KIAA1958: variants seen among roughly 807,000 people sequenced by gnomAD.
The protein encoded by KIAA1958 is uncharacterized protein KIAA1958.
KIAA1958 carries 14 observed loss-of-function variants against 47.2 expected under a neutral mutation model. The ratio of observed to expected loss-of-function variants is 0.30; its 90% CI spans 0.20 to 0.46. KIAA1958 has a LOEUF of 0.46. KIAA1958 is among the 20% of genes least tolerant of loss of function. The pLI is 1.00. For synonymous variants in KIAA1958, 354 were observed against 353.3 expected, an observed-to-expected ratio of 1.00 and a Z score of -0.02; for missense variants, 803 against 909.2, an observed-to-expected ratio of 0.88 and a Z score of 1.50.
intron 1 of KIAA1958, among the ~76,000 whole-genome samples, chr9:112,560,796 G>A (rs1445693736): frequency 6.6e-6 from 1 of 152,100 alleles, no homozygotes; most frequent in Non-Finnish European, 1.5e-5. Flanking sequence ...AATATTGCAA[G>A]GTAGTTGCTA....
intron 1 of KIAA1958, among the ~76,000 whole-genome samples, chr9:112,523,212 A>G (rs769490441): frequency 7.2e-5 from 11 of 152,120 alleles, no homozygotes; most frequent in Non-Finnish European, 7.4e-5. Context: ...TTTTTCAGTT[A>G]CCTGGAAATT....
At chr9:112,510,719 C>G (rs572371598) in intron 1 of KIAA1958, among the ~76,000 whole-genome samples, 1 of 152,200 alleles carries the variant, frequency 6.6e-6, no homozygotes, top group African/African-American at 2.4e-5. Flanking sequence ...AATGTACTGT[C>G]AGGTGATAAT....
At chr9:112,551,627 T>A (rs2132838855) in intron 1 of KIAA1958, among the ~76,000 whole-genome samples, 1 of 152,340 alleles carries the variant, frequency 6.6e-6, no homozygotes, top group East Asian at 1.9e-4. Flanking sequence ...ATAGTTTTTC[T>A]GACAAAATTA....
chr9:112,518,749 C>T (rs1834484086), intron 1 of KIAA1958, among the ~76,000 whole-genome samples: 1 of 151,546 alleles, frequency 6.6e-6, no homozygotes, highest in Non-Finnish European at 1.5e-5. Context: ...CCAATAAAGG[C>T]ATTTTTTAAA....
At chr9:112,517,661 C>T (rs3983401) in intron 1 of KIAA1958, among the ~76,000 whole-genome samples, 145,499 of 152,280 alleles carry the variant, frequency 0.96, 69,574 homozygotes, top group African/African-American at 0.98. Context: ...ATACAAACCA[C>T]TGGGAGAAAA....
chr9:112,642,560 G>A (rs114177311), intron 2 of KIAA1958, among the ~76,000 whole-genome samples: 1,809 of 152,250 alleles, frequency 0.012, 30 homozygotes, highest in African/African-American at 0.041. Flanking sequence ...AAGGGCATCC[G>A]CAGCCTAAAC....
rs374741842 is a variant in KIAA1958 at position 112,563,085 on chromosome 9, C to CTATATA, written c.-24-10963_-24-10958dup. Among the ~76,000 whole-genome samples the CTATATA allele has an allele frequency of 6.6e-3, 869 of 131,524 alleles. 6 individuals carry two copies. Among genetic ancestry groups the CTATATA allele is most frequent in the African/African-American group, 0.021 (718 of 34,252 alleles). The allele number at this position is 131,524 out of a possible 152,430, so 86.3% of individuals were successfully genotyped here. On this transcript the variant is annotated intron_variant, in intron 1 of 3. Transcript: ENST00000337530. ...TCTCTGTCTCTCTCTCTCTCTCTCT[C>CTATATA]TATATATATATATAAATTTTTTTTA...
chr9:112,619,036 TATATA>T (rs1836454169), intron 2 of KIAA1958: 2 of 1,002,002 alleles, frequency 2.0e-6, no homozygotes, highest in African/African-American at 1.7e-5. Context: ...AAAATATAAA[TATATA>T]ATATATTTTT....
At position 112,587,704 on chromosome 9, in the gene KIAA1958, T is replaced by C. The variant is rs578116783; in HGVS notation, c.1171+12453T>C. Among the ~76,000 whole-genome samples the C allele has an allele frequency of 1.4e-4, 21 of 152,334 alleles. No individual in the cohort carries two copies. In the South Asian group the frequency reaches 4.1e-3, roughly 30 times the overall value. On this transcript the variant is annotated intron_variant, in intron 2 of 3. Coordinates refer to ENST00000337530, the MANE Select transcript of KIAA1958 (RefSeq NM_133465.4). Reference sequence around the variant, plus strand: ...GCATTTTTATTGCCTTTTTCAATTTTCTTTATTTTTGTCATGGTAATACAT... The same window carrying C: ...GCATTTTTATTGCCTTTTTCAATTTCCTTTATTTTTGTCATGGTAATACAT...
chr9:112,509,660 A>G (rs185799697), intron 1 of KIAA1958, among the ~76,000 whole-genome samples: 1 of 152,356 alleles, frequency 6.6e-6, no homozygotes, highest in Admixed American at 6.5e-5. Context: ...CACCATTTCC[A>G]GGAATAGTGA....
chr9:112,511,695 T>C (rs1471742331), intron 1 of KIAA1958, among the ~76,000 whole-genome samples: 2 of 151,922 alleles, frequency 1.3e-5, no homozygotes, highest in Non-Finnish European at 2.9e-5. Context: ...CATAAATCAG[T>C]GAAATAGAAT....
intron 2 of KIAA1958, among the ~76,000 whole-genome samples, chr9:112,584,996 G>T (rs1377216441): frequency 1.3e-5 from 2 of 152,170 alleles, no homozygotes; most frequent in East Asian, 3.9e-4. Context: ...AGACTGCTAG[G>T]TTATATCCTA....
At chr9:112,604,730 C>T (rs573680803) in intron 2 of KIAA1958, among the ~76,000 whole-genome samples, 1 of 151,960 alleles carries the variant, frequency 6.6e-6, no homozygotes, top group Admixed American at 6.6e-5. Flanking sequence ...AGAAGTTCTC[C>T]CCTTCTTATC....
At chr9:112,544,330 T>C (rs776937543) in intron 1 of KIAA1958, among the ~76,000 whole-genome samples, 1 of 152,244 alleles carries the variant, frequency 6.6e-6, no homozygotes, top group Non-Finnish European at 1.5e-5. Flanking sequence ...AGAGTTCTAA[T>C]TGCTTTCGCA....
chr9:112,497,819 T>C lies in KIAA1958; in HGVS notation c.-25+10701T>C, dbSNP rs141096138. 1.6e-4 allele frequency among the ~76,000 whole-genome samples: 24 copies of C among 152,328 alleles called. No individual in the cohort carries two copies. In the East Asian group the frequency reaches 4.6e-3, roughly 29 times the overall value. ...TCTCCACTGCTCCCCCAACCATTTC[T>C]AACATATTTGTATGATTAGATTTGA... On this transcript the variant is annotated intron_variant, in intron 1 of 3. Transcript: ENST00000337530.
At chr9:112,626,465 AC>A (rs2131224856) in intron 2 of KIAA1958, among the ~76,000 whole-genome samples, 1 of 152,274 alleles carries the variant, frequency 6.6e-6, no homozygotes, top group African/African-American at 2.4e-5. Flanking sequence ...TACCATTTAT[AC>A]ATTCATTTCA....
rs189754839 is a variant in KIAA1958, at chr9:112,602,724, A to G, written c.1171+27473A>G. Among the ~76,000 whole-genome samples the G allele has an allele frequency of 1.6e-3, 248 of 152,276 alleles. 1 individual carries two copies. The highest frequency in any genetic ancestry group is 5.8e-3 in the African/African-American group (243 of 41,556). On this transcript the variant is annotated intron_variant, in intron 2 of 3. Transcript: ENST00000337530. ...CCTGGGAGAAGCTTCCAGCGGCCTC[A>G]TAAGTCATTTTAATACCATTTTTAC...
At chr9:112,559,840 C>T (rs573543012) in intron 1 of KIAA1958, among the ~76,000 whole-genome samples, 1 of 152,220 alleles carries the variant, frequency 6.6e-6, no homozygotes, top group Non-Finnish European at 1.5e-5. Context: ...TGTCAAATCT[C>T]GCCCATTGAT....
intron 2 of KIAA1958, among the ~76,000 whole-genome samples, chr9:112,624,501 T>G (rs2131222546): frequency 6.6e-6 from 1 of 152,336 alleles, no homozygotes; most frequent in Admixed American, 6.5e-5. Context: ...TATCATTCTT[T>G]TGGGAGTTGG....
Sources: gnomAD v4.1 joint callset for allele counts (sites outside exome capture counted in the v4.1 genomes callset) on GRCh38, gnomAD v4.1.1 for gene constraint, MANE v1.5 for transcripts, NCBI Gene and HGNC (gene_info 2026-07-23, HGNC 2026-07-21) for gene names.